The following GRIA1 variants were observed in gnomAD, a reference collection of about 807,000 sequenced individuals.
The protein encoded by GRIA1 is glutamate receptor 1.
Under a neutral mutation model 99.2 loss-of-function variants are expected in GRIA1, and 31 were observed. The observed-to-expected ratio is 0.31, with a 90% confidence interval of 0.23 to 0.42. GRIA1 has a LOEUF of 0.42. Among genes scored for constraint, GRIA1 ranks in the 10% least tolerant of loss-of-function variants. The probability of loss-of-function intolerance (pLI) is 1.00; values close to 1 mark genes in which losing one functional copy is unlikely to be tolerated. For synonymous variants in GRIA1, 438 were observed against 432.4 expected (o/e 1.01, Z -0.16); for missense variants, 782 against 1,157.5 (o/e 0.68, Z 4.71).
chr5:153,586,634 A>G (rs576629072), intron 2 of GRIA1, among the ~76,000 whole-genome samples: 2 of 152,238 alleles, frequency 1.3e-5, no homozygotes, highest in Non-Finnish European at 2.9e-5. Context: ...ATATACACTC[A>G]GAGACCTCGG....
At chr5:153,651,149 G>T (rs778719213) in intron 4 of GRIA1, among the ~76,000 whole-genome samples, 58 of 152,170 alleles carry the variant, frequency 3.8e-4, no homozygotes, top group South Asian at 2.1e-3. Flanking sequence ...ATCATATTAG[G>T]AACACAGCTT....
chr5:153,665,395 T>C (rs1439741095), intron 5 of GRIA1, among the ~76,000 whole-genome samples: 2 of 152,196 alleles, frequency 1.3e-5, no homozygotes, highest in Non-Finnish European at 2.9e-5. Flanking sequence ...TTCTTCTCAA[T>C]ATTTATGGTG....
intron 7 of GRIA1, 84 bp downstream of exon 7, chr5:153,677,245 A>G (rs1158570694): frequency 2.6e-6 from 3 of 1,160,072 alleles, no homozygotes; most frequent in Admixed American, 3.5e-5. Flanking sequence ...CAGCTATTCT[A>G]AAGAAAAGGA....
chr5:153,733,203 TGAA>T (rs1002202405), intron 11 of GRIA1, among the ~76,000 whole-genome samples: 2 of 151,970 alleles, frequency 1.3e-5, no homozygotes, highest in African/African-American at 4.8e-5. Context: ...AAAAACAAAA[TGAA>T]GAGGCAAGTA....
chr5:153,549,196 A>G (rs1398713199), intron 2 of GRIA1, among the ~76,000 whole-genome samples: 1 of 152,208 alleles, frequency 6.6e-6, no homozygotes, highest in South Asian at 2.1e-4. Context: ...TTGAGATGGT[A>G]CACATTAATG....
intron 2 of GRIA1, among the ~76,000 whole-genome samples, chr5:153,608,162 C>T (rs936580447): frequency 6.6e-6 from 1 of 152,136 alleles, no homozygotes; most frequent in African/African-American, 2.4e-5. Flanking sequence ...TCTGCCTTTG[C>T]CCCACTTCCA....
chr5:153,562,877 G>T (rs35414667), intron 2 of GRIA1, among the ~76,000 whole-genome samples: 22,023 of 152,104 alleles, frequency 0.14, 1,810 homozygotes, highest in South Asian at 0.27. Context: ...ACAATTTAAT[G>T]ATTTGAAATC....
At chr5:153,502,752 C>A (rs551154403) in intron 2 of GRIA1, among the ~76,000 whole-genome samples, 14 of 152,214 alleles carry the variant, frequency 9.2e-5, no homozygotes, top group Admixed American at 3.3e-4. Context: ...AAATTGATAC[C>A]CTATGGTTAG....
chr5:153,524,356 C>A (rs781267027), intron 2 of GRIA1, among the ~76,000 whole-genome samples: 35 of 152,074 alleles, frequency 2.3e-4, no homozygotes, highest in Non-Finnish European at 2.8e-4. Flanking sequence ...GGCACAGAGT[C>A]TAAACATCTG....
intron 2 of GRIA1, among the ~76,000 whole-genome samples, chr5:153,602,141 C>G (rs1765026432): frequency 6.6e-6 from 1 of 152,136 alleles, no homozygotes; most frequent in African/African-American, 2.4e-5. Context: ...AAATGTCCAA[C>G]AATGATAGAC....
At chr5:153,542,188 A>G (rs941722515) in intron 2 of GRIA1, among the ~76,000 whole-genome samples, 1 of 152,124 alleles carries the variant, frequency 6.6e-6, no homozygotes, top group Non-Finnish European at 1.5e-5. Context: ...TTCAGAGAGT[A>G]GCTCTAACCA....
At chr5:153,570,492 G>T (rs1581246213) in intron 2 of GRIA1, among the ~76,000 whole-genome samples, 1 of 152,222 alleles carries the variant, frequency 6.6e-6, no homozygotes. Flanking sequence ...GTGTCTTAAA[G>T]GCTAGGCTTT....
Position 153,758,482 on chromosome 5 carries a change from C to T in GRIA1, c.1824-5952C>T, listed in dbSNP as rs10058464. Among the ~76,000 whole-genome samples the T allele has an allele frequency of 3.9e-3, 588 of 151,648 alleles. 1 individual carries two copies. The highest frequency in any genetic ancestry group is 0.014 in the Middle Eastern group (4 of 294). On this transcript the variant is annotated intron_variant, in intron 11 of 15. Transcript: ENST00000285900. ...AAAGACAAAGAAGGCAATTATATAA[C>T]GGTAAAGGAGTCAAATACAGCAAGA...
intron 2 of GRIA1, among the ~76,000 whole-genome samples, chr5:153,507,772 C>T (rs1033084261): frequency 6.6e-6 from 1 of 152,194 alleles, no homozygotes; most frequent in African/African-American, 2.4e-5. Flanking sequence ...GGCTTCCCAT[C>T]TTATTTTAAG....
intron 2 of GRIA1, among the ~76,000 whole-genome samples, chr5:153,508,192 G>A (rs1470232604): frequency 2.0e-5 from 3 of 152,212 alleles, no homozygotes; most frequent in African/African-American, 7.2e-5. Context: ...CACCTGAAGA[G>A]ATGATATTTT....
Position 153,811,825 on chromosome 5 carries a change from G to A in GRIA1, c.*600G>A, listed in dbSNP as rs576032539. ...TTGGCCCAAACCTCTGATGGAGATA[G>A]ACATTGTTGGAGAAGTGGGCTGCCT... is the stretch of plus-strand genomic sequence containing the variant. On this transcript the variant is annotated 3_prime_UTR_variant, in exon 16 of 16. Transcript: ENST00000285900. 1 of 153,630 alleles carries A rather than the reference G, an allele frequency of 6.5e-6. No individual in the cohort carries two copies. Among genetic ancestry groups the A allele is most frequent in the Admixed American group, 6.4e-5 (1 of 15,514 alleles). 9.5% of individuals were successfully genotyped at this position (153,630 alleles called of 1,614,324 possible).
chr5:153,643,961 C>T (rs1371147040), intron 2 of GRIA1, among the ~76,000 whole-genome samples: 2 of 152,160 alleles, frequency 1.3e-5, no homozygotes, highest in Non-Finnish European at 2.9e-5. Context: ...AGAGGCCCAA[C>T]TAAATGTGTG....
At chr5:153,773,521 A>C (rs1365489679) in intron 13 of GRIA1, among the ~76,000 whole-genome samples, 1 of 152,180 alleles carries the variant, frequency 6.6e-6, no homozygotes, top group African/African-American at 2.4e-5. Context: ...CACACCCAGC[A>C]CCATTCCTTT....
chr5:153,810,438 G>A (rs17525192), intron 15 of GRIA1, among the ~76,000 whole-genome samples: 13,163 of 152,270 alleles, frequency 0.086, 816 homozygotes, highest in Non-Finnish European at 0.12. Context: ...TAAATCAGAG[G>A]TAGTTTTCCA....
Sources: allele counts gnomAD v4.1 joint callset (sites outside exome capture counted in the v4.1 genomes callset), GRCh38; gene constraint gnomAD v4.1.1; transcripts MANE v1.5; gene names NCBI Gene and HGNC (gene_info 2026-07-23, HGNC 2026-07-21).